RYR1: variants seen among roughly 807,000 people sequenced by gnomAD.
The protein encoded by RYR1 is central core disease of muscle.
A neutral mutation model predicts 583.5 loss-of-function variants in RYR1; 342 were observed. The observed-to-expected ratio is 0.59, with a 90% CI of 0.54 to 0.64. The LOEUF (loss-of-function observed/expected upper bound fraction) is 0.64, where lower values mean the gene tolerates loss of function less well. Among genes scored for constraint, RYR1 ranks in the 30% least tolerant of loss-of-function variants. RYR1 has a pLI of 0.00. For synonymous variants in RYR1, 2,791 were observed against 2,822.5 expected (o/e 0.99, Z 0.35); for missense variants, 6,032 against 6,917.2 (o/e 0.87, Z 4.54).
rs764839238 is a variant in RYR1 at position 38,517,564 on chromosome 19, C to T, written c.9891C>T (p.Pro3297=). Residue 3297 remains proline (P), a synonymous_variant, in exon 66 of 106, where the codon CCC becomes CCT. Transcript: ENST00000359596. ...RGPEAPPSAL[P]AGAPPPCTAV... ...CCGAGGCACCCCCTTCCGCCCTGCCCGCCGGCGCCCCCCCACCCTGCACAG... is the reference window on the plus strand; with the variant it reads ...CCGAGGCACCCCCTTCCGCCCTGCCTGCCGGCGCCCCCCCACCCTGCACAG... 30 of 1,613,718 alleles carry T rather than the reference C, an allele frequency of 1.9e-5. No homozygotes were observed. Among genetic ancestry groups the T allele is most frequent in the Admixed American group, 1.7e-4 (10 of 59,988 alleles).
At position 38,502,896 on chromosome 19, in the gene RYR1, A is replaced by G. The variant is rs1414351834; in HGVS notation, c.7852A>G (p.Met2618Val). Residue 2618 changes from methionine (M) to valine (V), a missense_variant, in exon 49 of 106, where the codon ATG becomes GTG. Met to Val is a conservative substitution (Grantham distance 21). This residue lies in a region of RYR1 where 250 missense variants were observed against 162.3 expected (regional missense o/e 1.54). Coordinates refer to ENST00000359596, the MANE Select transcript of RYR1 (RefSeq NM_000540.3). ...GTCCCGCAGGTACATCCGCCCGTCG[A>G]TGCTGCAGCACCTGTTGCGCCGCCT... Reference protein sequence around the residue: ...MSLCRYIRPSMLQHLLRRLVF... With the variant: ...MSLCRYIRPSVLQHLLRRLVF... The G allele has an allele frequency of 2.5e-6, 4 of 1,611,360 alleles. No homozygotes were observed. The highest frequency in any genetic ancestry group is 4.5e-5 in the East Asian group (2 of 44,870).
intron 31 of RYR1, among the ~76,000 whole-genome samples, chr19:38,479,621 C>T (rs1023760221): frequency 2.0e-5 from 3 of 152,110 alleles, no homozygotes; most frequent in Non-Finnish European, 4.4e-5. Flanking sequence ...TCATATTGTC[C>T]AGGCTGGTCT....
intron 31 of RYR1, among the ~76,000 whole-genome samples, chr19:38,479,612 C>T (rs369673080): frequency 1.3e-5 from 2 of 152,046 alleles, no homozygotes; most frequent in East Asian, 3.9e-4. Flanking sequence ...GGGTTTTCCT[C>T]ATATTGTCCA....
chr19:38,510,426 A>C, intron 58 of RYR1, 72 bp from the exon 59 acceptor site: 1 of 1,490,178 alleles, frequency 6.7e-7, no homozygotes, highest in Non-Finnish European at 9.4e-7. Flanking sequence ...TGCTCCCAGC[A>C]TCCTTCCCAT....
intron 67 of RYR1, among the ~76,000 whole-genome samples, chr19:38,521,889 T>C (rs1971242851): frequency 6.6e-6 from 1 of 151,548 alleles, no homozygotes; most frequent in Admixed American, 6.6e-5. Context: ...TTGTATTTTT[T>C]AGTAGAGATG....
chr19:38,585,892 G>A (rs780782287), intron 102 of RYR1, 46 bp from the exon 103 acceptor site: 1 of 1,613,202 alleles, frequency 6.2e-7, no homozygotes, highest in South Asian at 1.1e-5. Flanking sequence ...GGGGGAGTCT[G>A]AACCAGGTCA....
chr19:38,528,558 A>C (rs1175901244), intron 74 of RYR1, 41 bp from the exon 75 acceptor site: 1 of 1,607,536 alleles, frequency 6.2e-7, no homozygotes, highest in African/African-American at 1.3e-5. Context: ...GGAAGCACGG[A>C]GGAGGGCGCG....
intron 2 of RYR1, among the ~76,000 whole-genome samples, chr19:38,441,829 T>A (rs1338881747): frequency 2.0e-5 from 3 of 151,496 alleles, no homozygotes; most frequent in Non-Finnish European, 2.9e-5. Flanking sequence ...GGAGGGAGTA[T>A]AAGGTTGAGC....
intron 82 of RYR1, among the ~76,000 whole-genome samples, chr19:38,536,296 C>T (rs1299910307): frequency 6.8e-6 from 1 of 146,790 alleles, no homozygotes; most frequent in East Asian, 2.0e-4. Flanking sequence ...CCCCCGCCAC[C>T]AGAAGTCATT....
intron 88 of RYR1, 150 bp from the exon 89 acceptor site, chr19:38,548,083 C>G: frequency 1.2e-6 from 1 of 808,940 alleles, no homozygotes; most frequent in Non-Finnish European, 2.1e-6. Flanking sequence ...GAGGCTGACG[C>G]AGGTCAGGAA....
intron 20 of RYR1, 36 bp downstream of exon 20, chr19:38,460,627 A>T: frequency 6.3e-7 from 1 of 1,575,680 alleles, no homozygotes; most frequent in Non-Finnish European, 8.6e-7. Flanking sequence ...CTGGCGAGGC[A>T]GGGTCTCTTA....
chr19:38,491,257 GA>G (rs1446051769), intron 37 of RYR1, among the ~76,000 whole-genome samples: 1 of 145,746 alleles, frequency 6.9e-6, no homozygotes, highest in Non-Finnish European at 1.5e-5. Context: ...TTATCCTGTT[GA>G]AAGTTTGTTG....
At position 38,486,061 on chromosome 19, in the gene RYR1, C is replaced by G; in HGVS notation, c.5406C>G (p.Ile1802Met). ...AEAPARLSPA[I>M]PLEALRDKAL... ...CCCCGGCCCGCCTCAGCCCTGCCAT[C>G]CCGCTGGAGGCCCTGCGGGACAAGG... is the stretch of plus-strand genomic sequence containing the variant. The change falls in exon 34 of 106, where the codon ATC (isoleucine) becomes ATG (methionine). Residue 1802 changes from isoleucine to methionine, a missense_variant. This residue lies in a region of RYR1 where 2,627 missense variants were observed against 2,961.3 expected (regional missense o/e 0.89). Transcript: ENST00000359596. The G allele has an allele frequency of 6.2e-7, 1 of 1,612,652 alleles. No individual in the cohort carries two copies. Among genetic ancestry groups the G allele is most frequent in the South Asian group, 1.1e-5 (1 of 91,008 alleles).
intron 83 of RYR1, 26 bp downstream of exon 83, chr19:38,536,793 C>T: frequency 1.2e-6 from 2 of 1,613,170 alleles, no homozygotes; most frequent in South Asian, 1.1e-5. Flanking sequence ...CACCCCCGTG[C>T]TGTGCTGCTG....
chr19:38,519,527 C>T (rs962460482), intron 67 of RYR1, 73 bp downstream of exon 67: 42 of 1,508,032 alleles, frequency 2.8e-5, no homozygotes, highest in Non-Finnish European at 3.3e-5. Flanking sequence ...CTGATCTCCG[C>T]CTCCTGACTG....
At chr19:38,547,165 G>A (rs117044521) in intron 88 of RYR1, among the ~76,000 whole-genome samples, 12,335 of 149,896 alleles carry the variant, frequency 0.082, 713 homozygotes, top group South Asian at 0.25. Flanking sequence ...TGGCCTCCCC[G>A]GTAGCTGGGA....
intron 27 of RYR1, 145 bp from the exon 28 acceptor site, chr19:38,473,232 C>A: frequency 2.0e-6 from 2 of 1,024,960 alleles, no homozygotes; most frequent in Non-Finnish European, 3.0e-6. Context: ...GAGCTTCATC[C>A]CCCTGCAGGA....
At chr19:38,579,339 C>T (rs1249136714) in intron 99 of RYR1, among the ~76,000 whole-genome samples, 2 of 150,256 alleles carry the variant, frequency 1.3e-5, no homozygotes, top group African/African-American at 2.5e-5. Context: ...GCAGGAGAAT[C>T]GCTTGAACCC....
Position 38,528,613 on chromosome 19 carries a change from A to G in RYR1, c.10952A>G (p.Asn3651Ser), listed in dbSNP as rs780573228. The G allele has an allele frequency of 1.9e-6, 3 of 1,614,118 alleles. No individual in the cohort carries two copies. In the South Asian group the frequency reaches 3.3e-5, roughly 18 times the overall value. Reference protein sequence around the residue: ...LYNLPTHRACNMFLESYKAAW... With the variant: ...LYNLPTHRACSMFLESYKAAW... ...CTCCCCTGCAGGCACCGGGCATGTA[A>G]CATGTTCCTGGAGAGCTACAAGGCT... is the stretch of plus-strand genomic sequence containing the variant. The change falls in exon 75 of 106, where the codon AAC (asparagine) becomes AGC (serine). Residue 3651 changes from asparagine to serine, a missense_variant. Asn to Ser is a conservative substitution (Grantham distance 46). Transcript: ENST00000359596.
Sources: allele counts gnomAD v4.1 joint callset (sites outside exome capture counted in the v4.1 genomes callset), GRCh38; gene constraint gnomAD v4.1.1; regional missense constraint gnomAD v4.1.1; transcripts MANE v1.5; gene names NCBI Gene and HGNC (gene_info 2026-07-23, HGNC 2026-07-21).